The following COA7 variants were observed in gnomAD, a reference collection of about 807,000 sequenced individuals.
COA7 encodes Sel1 repeat containing 1.
A neutral mutation model predicts 21.0 loss-of-function variants in COA7; 12 were observed. The ratio of observed to expected loss-of-function variants is 0.57; its 90% CI spans 0.37 to 0.92. COA7 has a LOEUF of 0.92. Ranked by LOEUF, COA7 falls within the 40% of genes least tolerant of loss-of-function variation. The pLI, the probability that COA7 is intolerant of heterozygous loss-of-function variation, is 0.01. For synonymous variants in COA7, 95 were observed against 107.4 expected (o/e 0.88, Z 0.72); for missense variants, 240 against 286.1 (o/e 0.84, Z 1.16).
At chr1:52,688,309 T>C in intron 2 of COA7, 141 bp from the exon 3 acceptor site, 1 of 664,694 alleles carries the variant, frequency 1.5e-6, no homozygotes, top group Non-Finnish European at 2.5e-6. Context: ...ACTGGCATGA[T>C]CACGGCTCAC....
In COA7 at chr1:52,687,767, G is replaced by A; in HGVS notation, c.649C>T (p.Leu217=). The A allele has an allele frequency of 6.2e-7, 1 of 1,614,248 alleles. No individual in the cohort carries two copies. Among genetic ancestry groups the A allele is most frequent in the South Asian group, 1.1e-5 (1 of 91,088 alleles). Residue 217 remains leucine (L), a synonymous_variant, in exon 3 of 3, where the codon CTA becomes TTA. Coordinates refer to ENST00000371538, the MANE Select transcript of COA7 (RefSeq NM_023077.3). The part of the protein sequence containing the change: ...AEVLKNRAQQ[L]HKEQQKGVQP... ...ACACCTTTCTGCTGTTCTTTGTGTA[G>A]CTGCTGGGCTCGATTTTTTAGCACC...
At chr1:52,688,696 T>C (rs1207496239) in intron 2 of COA7, among the ~76,000 whole-genome samples, 1 of 151,962 alleles carries the variant, frequency 6.6e-6, no homozygotes, top group Admixed American at 6.6e-5. Context: ...GAAAAAAAAA[T>C]GTCCATACTA....
intron 1 of COA7, among the ~76,000 whole-genome samples, chr1:52,693,910 C>T (rs1644065756): frequency 6.6e-6 from 1 of 152,202 alleles, no homozygotes; most frequent in African/African-American, 2.4e-5. Context: ...AGAATATACT[C>T]ATTTGCCCTC....
intron 2 of COA7, among the ~76,000 whole-genome samples, chr1:52,689,165 T>A (rs901578491): frequency 1.3e-5 from 2 of 151,708 alleles, no homozygotes; most frequent in Admixed American, 6.6e-5. Flanking sequence ...TTATTATTTT[T>A]TTTTTTTTGA....
At position 52,684,546 on chromosome 1, in the gene COA7, A is replaced by G. The variant is rs1301477295; in HGVS notation, c.*3174T>C. 2 of 152,194 alleles carry G rather than the reference A, an allele frequency of 1.3e-5. No homozygotes were observed. The highest frequency in any genetic ancestry group is 4.8e-5 in the African/African-American group (2 of 41,452). The allele number at this position is 152,194 out of a possible 1,614,324, so 9.4% of individuals were successfully genotyped here. A position where few individuals can be genotyped will look rare whatever the true frequency, so the allele number is the denominator to read the frequency against. ...TCCCATATAGTTGTTGTCCCCACAC[A>G]TGCATAGTCTCCACCATTTTCAACA... On this transcript the variant is annotated 3_prime_UTR_variant, in exon 3 of 3. Transcript: ENST00000371538.
At chr1:52,688,421 A>T (rs776239204) in intron 2 of COA7, among the ~76,000 whole-genome samples, 7 of 151,962 alleles carry the variant, frequency 4.6e-5, no homozygotes, top group Non-Finnish European at 7.4e-5. Context: ...TAATTTTTAA[A>T]TTTTTTTGTA....
At position 52,690,510 on chromosome 1, in the gene COA7, CAGA is replaced by C. The variant is rs1229621981; in HGVS notation, c.247+2214_247+2216del. Among the ~76,000 whole-genome samples, 6 of 151,756 alleles carry C rather than the reference CAGA, an allele frequency of 4.0e-5. 1 individual carries two copies. The highest frequency in any genetic ancestry group is 1.4e-4 in the African/African-American group (6 of 41,384). On this transcript the variant is annotated intron_variant, in intron 2 of 2. Coordinates refer to ENST00000371538, the MANE Select transcript of COA7 (RefSeq NM_023077.3). ...TAACTTTGATTTTACTTGAATTTAT[CAGA>C]AGAAAACCAAACTGAAGTGAAACTA...
rs1036058782 is a variant in COA7, at chr1:52,686,841, T to C, written c.*879A>G. ...AACACTAATTAACACAAACCGTAGG[T>C]CACTCAAAATTGTTCATTCACAGGG... On this transcript the variant is annotated 3_prime_UTR_variant, in exon 3 of 3. Coordinates refer to ENST00000371538, the MANE Select transcript of COA7 (RefSeq NM_023077.3). 2.6e-5 allele frequency: 4 copies of C among 152,274 alleles called. No homozygotes were observed. In the East Asian group the frequency reaches 7.7e-4, roughly 29 times the overall value. 9.4% of individuals were successfully genotyped at this position (152,274 alleles called of 1,614,324 possible). A position where few individuals can be genotyped will look rare whatever the true frequency, so the allele number is the denominator to read the frequency against.
chr1:52,695,771 AACT>A (rs1258853145), intron 1 of COA7, among the ~76,000 whole-genome samples: 1 of 152,274 alleles, frequency 6.6e-6, no homozygotes, highest in Non-Finnish European at 1.5e-5. Flanking sequence ...ACATGCAAGG[AACT>A]ACTACACCAG....
In COA7 at chr1:52,684,857, T is replaced by C. The variant is rs1346149660; in HGVS notation, c.*2863A>G. ...TTCCAGAATACATCCCAGTGTCATA[T>C]AGTTGGCATCATTTAATATGAAGCC... On this transcript the variant is annotated 3_prime_UTR_variant, in exon 3 of 3. Transcript: ENST00000371538. The C allele has an allele frequency of 6.6e-6, 1 of 151,718 alleles. No individual in the cohort carries two copies. Among genetic ancestry groups the C allele is most frequent in the Non-Finnish European group, 1.5e-5 (1 of 67,958 alleles). 9.4% of individuals were successfully genotyped at this position (151,718 alleles called of 1,614,324 possible).
Position 52,687,774 on chromosome 1 carries a change from G to A in COA7, c.642C>T (p.Ala214=), listed in dbSNP as rs951434561. Residue 214 remains alanine (A), a synonymous_variant, in exon 3 of 3, where the codon GCC becomes GCT. Coordinates refer to ENST00000371538, the MANE Select transcript of COA7 (RefSeq NM_023077.3). ...EAKAEVLKNR[A]QQLHKEQQKG... ...TCTGCTGTTCTTTGTGTAGCTGCTG[G>A]GCTCGATTTTTTAGCACCTCGGCCT... is the stretch of plus-strand genomic sequence containing the variant. 6.2e-7 allele frequency: 1 copy of A among 1,614,228 alleles called. No individual in the cohort carries two copies. The highest frequency in any genetic ancestry group is 8.5e-7 in the Non-Finnish European group (1 of 1,180,046).
At chr1:52,696,772 G>T (rs1468670983) in intron 1 of COA7, among the ~76,000 whole-genome samples, 2 of 149,374 alleles carry the variant, frequency 1.3e-5, no homozygotes, top group Admixed American at 6.7e-5. Context: ...AAAGAGCTAG[G>T]ATTACAGGCT....
In COA7 at chr1:52,686,656, G is replaced by C. The variant is rs1459124627; in HGVS notation, c.*1064C>G. ...GTAGAGATGGGGTTTCCCCGTGTTAGCCAGGATGGTCATGATCTCCTGATC... is the reference window on the plus strand; with the variant it reads ...GTAGAGATGGGGTTTCCCCGTGTTACCCAGGATGGTCATGATCTCCTGATC... On this transcript the variant is annotated 3_prime_UTR_variant, in exon 3 of 3. Coordinates refer to ENST00000371538, the MANE Select transcript of COA7 (RefSeq NM_023077.3). 6.6e-6 allele frequency: 1 copy of C among 152,206 alleles called. No individual in the cohort carries two copies. The highest frequency in any genetic ancestry group is 1.5e-5 in the Non-Finnish European group (1 of 68,126). The allele number at this position is 152,206 out of a possible 1,614,324, so 9.4% of individuals were successfully genotyped here. A position where few individuals can be genotyped will look rare whatever the true frequency, so the allele number is the denominator to read the frequency against.
intron 2 of COA7, among the ~76,000 whole-genome samples, chr1:52,688,486 G>A (rs1340537609): frequency 6.6e-6 from 1 of 152,058 alleles, no homozygotes; most frequent in Admixed American, 6.6e-5. Flanking sequence ...GGACTCAAGC[G>A]ATCCTCCCAC....
chr1:52,693,777 T>C (rs1644064642), intron 1 of COA7, among the ~76,000 whole-genome samples: 1 of 152,098 alleles, frequency 6.6e-6, no homozygotes, highest in African/African-American at 2.4e-5. Context: ...GTAAACCTCT[T>C]TCCTTAATCT....
At position 52,687,706 on chromosome 1, in the gene COA7, G is replaced by T. The variant is rs1224044395; in HGVS notation, c.*14C>A. The T allele has an allele frequency of 6.2e-7, 1 of 1,606,794 alleles. No individual in the cohort carries two copies. The highest frequency in any genetic ancestry group is 8.5e-7 in the Non-Finnish European group (1 of 1,174,266). ...CTCAAGCAGTTTGTTGCCTGGGAGG[G>T]AGGGTGGACCACATTACCCAAATGT... On this transcript the variant is annotated 3_prime_UTR_variant, in exon 3 of 3. Coordinates refer to ENST00000371538, the MANE Select transcript of COA7 (RefSeq NM_023077.3).
chr1:52,691,895 G>A (rs1219022259), intron 2 of COA7, among the ~76,000 whole-genome samples: 4 of 152,176 alleles, frequency 2.6e-5, no homozygotes, highest in Non-Finnish European at 5.9e-5. Flanking sequence ...AATGAAAAGT[G>A]TGTGACTTCC....
At chr1:52,688,856 C>A (rs1644025035) in intron 2 of COA7, among the ~76,000 whole-genome samples, 2 of 152,112 alleles carry the variant, frequency 1.3e-5, no homozygotes, top group Admixed American at 1.3e-4. Flanking sequence ...ATATCTACCT[C>A]ATGGGGTTAC....
At chr1:52,697,423 G>A (rs1311405783) in intron 1 of COA7, among the ~76,000 whole-genome samples, 1 of 152,142 alleles carries the variant, frequency 6.6e-6, no homozygotes, top group Non-Finnish European at 1.5e-5. Context: ...CCTATGGTAA[G>A]AACTGCATGG....
Sources: allele counts gnomAD v4.1 joint callset (sites outside exome capture counted in the v4.1 genomes callset), GRCh38; gene constraint gnomAD v4.1.1; transcripts MANE v1.5; gene names NCBI Gene and HGNC (gene_info 2026-07-23, HGNC 2026-07-21).